Variants in CELF2 observed in about 807,000 individuals in gnomAD.
The protein encoded by CELF2 is CUG triplet repeat RNA-binding protein 2.
CELF2 carries 8 observed loss-of-function variants against 62.6 expected under a neutral mutation model. The observed-to-expected ratio is 0.13, with a 90% confidence interval of 0.07 to 0.23. The LOEUF is 0.23. Ranked by LOEUF, CELF2 falls within the 10% of genes least tolerant of loss-of-function variation. The pLI, the probability that CELF2 is intolerant of heterozygous loss-of-function variation, is 1.00. For synonymous variants in CELF2, 258 were observed against 250.0 expected (o/e 1.03, Z -0.30); for missense variants, 333 against 671.0 (o/e 0.50, Z 5.56).
chr10:11,087,199 TG>T (rs1345257233), intron 1 of CELF2, among the ~76,000 whole-genome samples: 8 of 152,216 alleles, frequency 5.3e-5, no homozygotes, highest in Non-Finnish European at 1.0e-4. Context: ...CCAGGGTTTA[TG>T]GACGACCCCA....
chr10:10,826,223 G>A (rs2057379579), intron 1 of CELF2, among the ~76,000 whole-genome samples: 1 of 152,024 alleles, frequency 6.6e-6, no homozygotes, highest in African/African-American at 2.4e-5. Context: ...TCTTGGTATG[G>A]CTCTCCTTTG....
rs547975065 is a variant in CELF2, at chr10:10,916,758, G to C, written c.54-3206G>C. On this transcript the variant is annotated intron_variant, in intron 1 of 13. Transcript: ENST00000636488. ...CTCCCGAGTAGCTGGGATTACAGGC[G>C]CGTGCCAGCACACCCGGCTAATTTT... Among the ~76,000 whole-genome samples, 4 of 151,906 alleles carry C rather than the reference G, an allele frequency of 2.6e-5. No individual in the cohort carries two copies. In the South Asian group the frequency reaches 8.3e-4, roughly 32 times the overall value.
chr10:10,542,444 T>C, the CELF2 span, among the ~76,000 whole-genome samples: 46 of 151,960 alleles, frequency 3.0e-4, no homozygotes, highest in Admixed American at 1.3e-3. Context: ...TCACTCAGAG[T>C]TTGAAACTGC....
At chr10:11,149,640 G>A (rs1035074654) in intron 1 of CELF2, among the ~76,000 whole-genome samples, 4 of 152,196 alleles carry the variant, frequency 2.6e-5, no homozygotes, top group Non-Finnish European at 5.9e-5. Context: ...CATCTCCCGT[G>A]CTCTGCTCTC....
At chr10:10,616,630 C>T in the CELF2 span, among the ~76,000 whole-genome samples, 2 of 150,830 alleles carry the variant, frequency 1.3e-5, no homozygotes, top group African/African-American at 2.4e-5. Context: ...TACTCACTGC[C>T]TCAAGAGAAT....
rs1402831495 is a variant in CELF2 at position 11,321,995 on chromosome 10, T to C, written c.1294+609T>C. Among the ~76,000 whole-genome samples the C allele has an allele frequency of 2.0e-5, 3 of 152,216 alleles. No homozygotes were observed. The highest frequency in any genetic ancestry group is 4.4e-5 in the Non-Finnish European group (3 of 68,044). ...AATTAAGTTCTATAAACTATTAATTTCCCATAAACTACTTCATAGCTGCTG... is the reference window on the plus strand; with the variant it reads ...AATTAAGTTCTATAAACTATTAATTCCCCATAAACTACTTCATAGCTGCTG... On this transcript the variant is annotated intron_variant, in intron 11 of 12. Transcript: ENST00000633077. The surrounding 1 kb of genome is among the most constrained non-coding windows in gnomAD (Gnocchi z 6.2).
In CELF2 at chr10:11,242,210, C is replaced by T. The variant is rs1382686714; in HGVS notation, c.355-6943C>T. On this transcript the variant is annotated intron_variant, in intron 3 of 12. Transcript: ENST00000633077. This position sits in a 1 kb window ranked among gnomAD's most constrained non-coding sequence, Gnocchi z 4.8. ...AATAATGAGATGCGTAACAGTGACT[C>T]TGTAAAAACCCATTTCAGGTTAAAA... Among the ~76,000 whole-genome samples the T allele has an allele frequency of 6.6e-6, 1 of 152,162 alleles. No homozygotes were observed. The highest frequency in any genetic ancestry group is 1.5e-5 in the Non-Finnish European group (1 of 68,048).
intron 1 of CELF2, among the ~76,000 whole-genome samples, chr10:11,085,755 A>G (rs1380656778): frequency 1.3e-5 from 2 of 152,216 alleles, no homozygotes; most frequent in African/African-American, 4.8e-5. Flanking sequence ...GCCTTGTGTC[A>G]GAAGCAGTTT....
intron 1 of CELF2, among the ~76,000 whole-genome samples, chr10:11,043,909 G>A (rs546456101): frequency 2.4e-4 from 36 of 152,282 alleles, no homozygotes; most frequent in African/African-American, 8.4e-4. Context: ...ACCGCCTGCC[G>A]CTTGCAGTTC....
intron 1 of CELF2, among the ~76,000 whole-genome samples, chr10:11,028,422 CT>C (rs5742072): frequency 0.18 from 24,772 of 135,322 alleles, 2,457 homozygotes; most frequent in African/African-American, 0.32. Context: ...TTTTCTTTTT[CT>C]TTTTTTTTTT....
intron 8 of CELF2, among the ~76,000 whole-genome samples, chr10:11,278,864 G>A (rs1290382677): frequency 6.6e-6 from 1 of 152,208 alleles, no homozygotes; most frequent in Admixed American, 6.5e-5. Context: ...CCGGGCAACT[G>A]AGGCTTAGAG....
intron 3 of CELF2, among the ~76,000 whole-genome samples, chr10:11,248,054 C>T (rs534335294): frequency 2.6e-5 from 4 of 152,332 alleles, no homozygotes; most frequent in South Asian, 2.1e-4. Flanking sequence ...AGAGCTGTGG[C>T]TTGCAAGTGA....
chr10:10,859,271 T>A (rs1429653680), intron 1 of CELF2, among the ~76,000 whole-genome samples: 3 of 152,178 alleles, frequency 2.0e-5, no homozygotes, highest in Non-Finnish European at 4.4e-5. Flanking sequence ...CTCAGGTTGA[T>A]CAAGATAGTT....
chr10:10,723,956 A>G, the CELF2 span, among the ~76,000 whole-genome samples: 1 of 152,202 alleles, frequency 6.6e-6, no homozygotes, highest in Non-Finnish European at 1.5e-5. Flanking sequence ...CCAATGTACC[A>G]GTAATCTTTC....
chr10:11,273,425 G>A (rs1213992096), intron 7 of CELF2, among the ~76,000 whole-genome samples: 2 of 152,080 alleles, frequency 1.3e-5, no homozygotes, highest in South Asian at 2.1e-4. Flanking sequence ...TCTAATTCCC[G>A]ATGAACTGAG....
upstream of CELF2, chr10:11,004,999 G>T: frequency 1.0e-6 from 1 of 968,500 alleles, no homozygotes; most frequent in Non-Finnish European, 1.2e-6. This position sits in a 1 kb window ranked among gnomAD's most constrained non-coding sequence, Gnocchi z 5.0. Flanking sequence ...TAAGAAAAAG[G>T]TAAATGAGTT....
At chr10:10,568,970 T>C in the CELF2 span, among the ~76,000 whole-genome samples, 4 of 152,112 alleles carry the variant, frequency 2.6e-5, no homozygotes, top group Non-Finnish European at 4.4e-5. Context: ...GGCCATTCCT[T>C]CTCCTCCAAC....
At chr10:10,495,697 C>T in the CELF2 span, among the ~76,000 whole-genome samples, 477 of 152,326 alleles carry the variant, frequency 3.1e-3, no homozygotes, top group South Asian at 8.7e-3. Context: ...ATTACCATGA[C>T]TCTAAGTGAC....
chr10:11,146,346 G>A (rs1236590005), intron 1 of CELF2, among the ~76,000 whole-genome samples: 2 of 152,068 alleles, frequency 1.3e-5, no homozygotes, highest in African/African-American at 4.8e-5. Context: ...GTATCTTTTC[G>A]AACATATGGA....
Sources: allele counts gnomAD v4.1 joint callset (sites outside exome capture counted in the v4.1 genomes callset), GRCh38; gene constraint gnomAD v4.1.1; non-coding constraint Gnocchi (gnomAD v3.1); transcripts MANE v1.5; gene names NCBI Gene and HGNC (gene_info 2026-07-23, HGNC 2026-07-21).